Variants in MTMR2 observed in about 807,000 individuals in gnomAD.
MTMR2 encodes phosphatidylinositol-3,5-bisphosphate 3-phosphatase MTMR2.
A neutral mutation model predicts 86.9 loss-of-function variants in MTMR2; 55 were observed. The observed-to-expected ratio is 0.63, with a 90% CI of 0.51 to 0.79. MTMR2 has a LOEUF of 0.79. MTMR2 is among the 30% of genes least tolerant of loss of function. The probability of loss-of-function intolerance (pLI) is 0.00; values close to 1 mark genes in which losing one functional copy is unlikely to be tolerated. For missense variants in MTMR2, 659 were observed against 772.3 expected, an observed-to-expected ratio of 0.85 and a Z score of 1.74; for synonymous variants, 241 against 266.8, an observed-to-expected ratio of 0.90 and a Z score of 0.94.
intron 1 of MTMR2, chr11:95,914,336 T>C: frequency 1.0e-6 from 1 of 971,220 alleles, no homozygotes; most frequent in Non-Finnish European, 1.2e-6. Flanking sequence ...CAAAGGAACT[T>C]AGGGGAATTC....
Position 95,924,052 on chromosome 11 carries a change from C to G in MTMR2, c.-98G>C, listed in dbSNP as rs1378217629. 2 of 1,468,298 alleles carry G rather than the reference C, an allele frequency of 1.4e-6. No homozygotes were observed. The highest frequency in any genetic ancestry group is 1.4e-5 in the African/African-American group (1 of 71,604). 91.0% of individuals were successfully genotyped at this position (1,468,298 alleles called of 1,614,324 possible). A position where few individuals can be genotyped will look rare whatever the true frequency, so the allele number is the denominator to read the frequency against. On this transcript the variant is annotated 5_prime_UTR_variant, in exon 1 of 15. The change abolishes the stop of an existing upstream ORF in the 5' untranslated region. Transcript: ENST00000346299. ...GAGTGCTACGGACCGGGGCCGCAGT[C>G]AGGCCAGCGCCGGCCCGGGAGGGAG...
intron 8 of MTMR2, 147 bp from the exon 9 acceptor site, chr11:95,850,009 C>T: frequency 1.3e-6 from 1 of 768,140 alleles, no homozygotes; most frequent in Non-Finnish European, 2.2e-6. Flanking sequence ...AAAATCATCA[C>T]CTTTCCTTCA....
At chr11:95,918,399 C>T (rs1462102018) in intron 1 of MTMR2, among the ~76,000 whole-genome samples, 3 of 152,134 alleles carry the variant, frequency 2.0e-5, no homozygotes, top group Non-Finnish European at 4.4e-5. Context: ...CTGGTCTACA[C>T]TAATAGGAAA....
rs1867015032 is a variant in MTMR2, at chr11:95,923,612, T to A, written c.80+263A>T. 3 of 1,300,768 alleles carry A rather than the reference T, an allele frequency of 2.3e-6. No homozygotes were observed. The Admixed American group carries it at 9.3e-5, about 40-fold the overall frequency. The allele number at this position is 1,300,768 out of a possible 1,614,324, so 80.6% of individuals were successfully genotyped here. A position where few individuals can be genotyped will look rare whatever the true frequency, so the allele number is the denominator to read the frequency against. On this transcript the variant is annotated intron_variant, in intron 1 of 14. Coordinates refer to ENST00000346299, the MANE Select transcript of MTMR2 (RefSeq NM_016156.6). ...TGAAAGACAGGAGAAAGTAATTAAC[T>A]GGGACCACCTCCATCGGGGAGAAAA...
chr11:95,839,080 T>A (rs772285979), intron 12 of MTMR2, among the ~76,000 whole-genome samples: 1 of 151,926 alleles, frequency 6.6e-6, no homozygotes, highest in Non-Finnish European at 1.5e-5. Context: ...ATCCCTTCCT[T>A]TATAGTGGAG....
intron 14 of MTMR2, 112 bp from the exon 15 acceptor site, chr11:95,835,563 C>G: frequency 9.8e-7 from 1 of 1,017,770 alleles, no homozygotes; most frequent in Admixed American, 1.9e-5. Flanking sequence ...ACCAATGGCA[C>G]CTTTCCAACC....
intron 1 of MTMR2, among the ~76,000 whole-genome samples, chr11:95,912,398 TTA>T (rs1422118274): frequency 1.3e-5 from 2 of 151,730 alleles, no homozygotes; most frequent in Non-Finnish European, 2.9e-5. Context: ...AAAAGAAAAT[TTA>T]TAATTGAAAA....
intron 1 of MTMR2, among the ~76,000 whole-genome samples, chr11:95,892,342 T>G (rs1591028973): frequency 6.6e-6 from 1 of 152,280 alleles, no homozygotes. Context: ...AGTCTTGGAG[T>G]GTTCCAAGAA....
At chr11:95,891,312 G>A (rs1385704301) in intron 1 of MTMR2, among the ~76,000 whole-genome samples, 1 of 152,010 alleles carries the variant, frequency 6.6e-6, no homozygotes, top group African/African-American at 2.4e-5. Flanking sequence ...TTAGCCAGGA[G>A]TGGTGGCACA....
At chr11:95,851,646 G>A (rs1203877222) in intron 7 of MTMR2, among the ~76,000 whole-genome samples, 1 of 152,210 alleles carries the variant, frequency 6.6e-6, no homozygotes. Flanking sequence ...CATTCAGTTT[G>A]ACTGGATGAT....
chr11:95,902,921 G>A (rs1866125105), intron 1 of MTMR2, among the ~76,000 whole-genome samples: 1 of 151,996 alleles, frequency 6.6e-6, no homozygotes. Context: ...CCTCTTTGTT[G>A]ACATCATTTG....
At chr11:95,865,534 T>C (rs1864580031) in intron 3 of MTMR2, 67 bp downstream of exon 3, 2 of 1,409,170 alleles carry the variant, frequency 1.4e-6, no homozygotes, top group African/African-American at 1.4e-5. Flanking sequence ...CTCTGTATGC[T>C]GAGAGTACTG....
At position 95,842,411 on chromosome 11, in the gene MTMR2, G is replaced by GTAC. The variant is rs1383593330; in HGVS notation, c.1387-703_1387-702insGTA. On this transcript the variant is annotated intron_variant, in intron 11 of 14. Coordinates refer to ENST00000346299, the MANE Select transcript of MTMR2 (RefSeq NM_016156.6). ...TTCATATCTTGACCACTGAGTGAAG[G>GTAC]GTACCCCCTCCTATCTTAGCACTAA... Among the ~76,000 whole-genome samples the GTAC allele has an allele frequency of 7.9e-5, 12 of 152,086 alleles. No homozygotes were observed. The East Asian group carries it at 2.3e-3, about 29-fold the overall frequency.
At chr11:95,914,205 T>C (rs1321681505) in intron 1 of MTMR2, 31 of 987,466 alleles carry the variant, frequency 3.1e-5, no homozygotes, top group Non-Finnish European at 3.6e-5. Flanking sequence ...TATTAACTTT[T>C]GTCCATTTTT....
intron 11 of MTMR2, among the ~76,000 whole-genome samples, chr11:95,843,064 TAGAA>T (rs969953896): frequency 1.3e-5 from 2 of 152,136 alleles, no homozygotes; most frequent in African/African-American, 4.8e-5. Flanking sequence ...GCATTGTGGT[TAGAA>T]AGACTTAAAG....
At chr11:95,847,923 A>G (rs774882679) in intron 9 of MTMR2, 24 bp from the exon 10 acceptor site, 2 of 1,581,314 alleles carry the variant, frequency 1.3e-6, no homozygotes, top group South Asian at 2.2e-5. Context: ...CACATCATGG[A>G]AAATCATAAA....
At chr11:95,919,243 T>TATAATAATTATACTTCAGGC (rs1238648105) in intron 1 of MTMR2, among the ~76,000 whole-genome samples, 2 of 152,188 alleles carry the variant, frequency 1.3e-5, no homozygotes. Context: ...CTTCAGGCTA[T>TATAATAATTATACTTCAGGC]AAGTATAATC....
At chr11:95,886,780 A>G (rs1483910663) in intron 2 of MTMR2, among the ~76,000 whole-genome samples, 1 of 152,170 alleles carries the variant, frequency 6.6e-6, no homozygotes, top group African/African-American at 2.4e-5. Flanking sequence ...AGACATTTCA[A>G]AATTATTAAG....
chr11:95,840,491 T>C (rs1233083287), intron 12 of MTMR2, among the ~76,000 whole-genome samples: 2 of 152,054 alleles, frequency 1.3e-5, no homozygotes, highest in Non-Finnish European at 2.9e-5. Context: ...ACACTGCACC[T>C]CTCCTTCCTC....
Sources: allele counts gnomAD v4.1 joint callset (sites outside exome capture counted in the v4.1 genomes callset), GRCh38; gene constraint gnomAD v4.1.1; transcripts MANE v1.5; gene names NCBI Gene and HGNC (gene_info 2026-07-23, HGNC 2026-07-21).